The following CASR variants were observed in gnomAD, a reference collection of about 807,000 sequenced individuals.
CASR encodes the protein extracellular calcium-sensing receptor.
CASR carries 23 observed loss-of-function variants against 69.1 expected under a neutral mutation model. The ratio of observed to expected loss-of-function variants is 0.33; its 90% CI spans 0.24 to 0.47. The LOEUF is 0.47. CASR is among the 20% of genes least tolerant of loss of function. The probability of loss-of-function intolerance (pLI) is 1.00; values close to 1 mark genes in which losing one functional copy is unlikely to be tolerated. For synonymous variants in CASR, 541 were observed against 544.7 expected (o/e 0.99, Z 0.10); for missense variants, 924 against 1,356.1 (o/e 0.68, Z 5.00).
intron 1 of CASR, among the ~76,000 whole-genome samples, chr3:122,239,566 G>A (rs886416285): frequency 1.3e-5 from 2 of 152,224 alleles, no homozygotes; most frequent in African/African-American, 4.8e-5. Context: ...CACTGAGGTA[G>A]AACATAGATG....
chr3:122,265,258 T>A (rs1173135358), intron 4 of CASR, among the ~76,000 whole-genome samples: 1 of 152,230 alleles, frequency 6.6e-6, no homozygotes, highest in Non-Finnish European at 1.5e-5. Context: ...TTAGTTAAAA[T>A]TCTGGTTATA....
chr3:122,274,275 G>C (rs1472402104), intron 4 of CASR, among the ~76,000 whole-genome samples: 2 of 152,230 alleles, frequency 1.3e-5, no homozygotes, highest in Non-Finnish European at 2.9e-5. Context: ...CTATGCCTGT[G>C]AGCACACATA....
At chr3:122,273,718 G>A (rs1210512742) in intron 4 of CASR, among the ~76,000 whole-genome samples, 1 of 152,192 alleles carries the variant, frequency 6.6e-6, no homozygotes, top group Non-Finnish European at 1.5e-5. Context: ...GCATGGAGAA[G>A]GATGATGGCC....
intron 3 of CASR, among the ~76,000 whole-genome samples, chr3:122,258,700 A>T (rs1186441954): frequency 6.6e-6 from 1 of 152,204 alleles, no homozygotes; most frequent in Non-Finnish European, 1.5e-5. Flanking sequence ...TTTGAATTAT[A>T]AAAGTGCTTT....
At position 122,283,781 on chromosome 3, in the gene CASR, G is replaced by A. The variant is rs200868156; in HGVS notation, c.1827G>A (p.Thr609=). 4.8e-5 allele frequency: 78 copies of A among 1,614,058 alleles called. No homozygotes were observed. The highest frequency in any genetic ancestry group is 2.3e-4 in the Admixed American group (14 of 60,012). The change falls in exon 7 of 7, where the codon ACG becomes ACA. Residue 609 remains threonine, a synonymous_variant. Coordinates refer to ENST00000639785, the MANE Select transcript of CASR (RefSeq NM_000388.4). ...IAKEIEFLSW[T]EPFGIALTLF... is the part of the protein sequence containing the mutation. ...AGGAGATCGAGTTTCTGTCGTGGACGGAGCCCTTTGGGATCGCACTCACCC... is the reference window on the plus strand; with the variant it reads ...AGGAGATCGAGTTTCTGTCGTGGACAGAGCCCTTTGGGATCGCACTCACCC...
At chr3:122,259,357 C>T (rs2074593409) in intron 3 of CASR, among the ~76,000 whole-genome samples, 1 of 152,016 alleles carries the variant, frequency 6.6e-6, no homozygotes, top group Non-Finnish European at 1.5e-5. Flanking sequence ...TTGTTTGGGT[C>T]TGCTAACAGA....
chr3:122,269,966 C>T lies in CASR; in HGVS notation c.1378-5846C>T, dbSNP rs1429166675. 4.6e-5 allele frequency among the ~76,000 whole-genome samples: 7 copies of T among 152,034 alleles called. No homozygotes were observed. The South Asian group carries it at 8.3e-4, about 18-fold the overall frequency. ...AAGAGATTCTTCTGCCTCAGCCTCC[C>T]GAGTAGCTGGGATTACAGGCATGCA... On this transcript the variant is annotated intron_variant, in intron 4 of 6. Transcript: ENST00000639785.
chr3:122,192,135 A>C (rs1343389433), intron 1 of CASR, among the ~76,000 whole-genome samples: 1 of 152,244 alleles, frequency 6.6e-6, no homozygotes, highest in Non-Finnish European at 1.5e-5. Context: ...TCCAATAATA[A>C]GGGAATGGTT....
intron 1 of CASR, among the ~76,000 whole-genome samples, chr3:122,197,334 C>T (rs2073900561): frequency 6.6e-6 from 1 of 152,168 alleles, no homozygotes; most frequent in Admixed American, 6.5e-5. Context: ...AATGTCCTTT[C>T]CACCTCCCTC....
chr3:122,216,725 GTTA>G (rs1277380828), intron 1 of CASR, among the ~76,000 whole-genome samples: 1 of 152,282 alleles, frequency 6.6e-6, no homozygotes, highest in Non-Finnish European at 1.5e-5. Flanking sequence ...TATTTTGGGT[GTTA>G]TTATTATTAA....
At chr3:122,265,632 C>A (rs1181870310) in intron 4 of CASR, among the ~76,000 whole-genome samples, 1 of 152,222 alleles carries the variant, frequency 6.6e-6, no homozygotes, top group East Asian at 1.9e-4. Flanking sequence ...GAGCCAACAA[C>A]CCATTCTTGA....
chr3:122,184,961 G>T (rs1169408695), intron 1 of CASR, among the ~76,000 whole-genome samples: 1 of 152,170 alleles, frequency 6.6e-6, no homozygotes, highest in Non-Finnish European at 1.5e-5. Flanking sequence ...GGGGCCGTCA[G>T]TGCCCCCACA....
At chr3:122,221,247 A>C (rs145525280) in intron 1 of CASR, among the ~76,000 whole-genome samples, 1 of 152,210 alleles carries the variant, frequency 6.6e-6, no homozygotes, top group African/African-American at 2.4e-5. Context: ...ACTTTGGGAA[A>C]TGCTACTTTA....
chr3:122,220,216 A>G (rs551190985), intron 1 of CASR, among the ~76,000 whole-genome samples: 1 of 152,326 alleles, frequency 6.6e-6, no homozygotes, highest in Non-Finnish European at 1.5e-5. Context: ...GGTGTCAGTT[A>G]CAAAAAACAG....
At chr3:122,279,348 C>T (rs1284646750) in intron 5 of CASR, among the ~76,000 whole-genome samples, 3 of 152,108 alleles carry the variant, frequency 2.0e-5, no homozygotes, top group African/African-American at 4.8e-5. Context: ...AGGAAAGCTA[C>T]TAAATTTATT....
In CASR at chr3:122,257,555, C is replaced by T. The variant is rs182432973; in HGVS notation, c.492+168C>T. 1,064 of 591,238 alleles carry T rather than the reference C, an allele frequency of 1.8e-3. 4 individuals carry two copies. Among genetic ancestry groups the T allele is most frequent in the Admixed American group, 3.6e-3 (120 of 33,268 alleles). The allele number at this position is 591,238 out of a possible 1,614,324, so 36.6% of individuals were successfully genotyped here. ...TGACCATTTGGGATTTCTGAAACTC[C>T]AGTGTCCACAATATCAATGATACCT... is the stretch of plus-strand genomic sequence containing the variant. On this transcript the variant is annotated intron_variant, in intron 3 of 6. Transcript: ENST00000639785.
At chr3:122,207,440 AT>A (rs1245910754) in intron 1 of CASR, among the ~76,000 whole-genome samples, 4 of 152,160 alleles carry the variant, frequency 2.6e-5, no homozygotes, top group African/African-American at 9.7e-5. Flanking sequence ...GTCCAAACAC[AT>A]TTTTTAAAAA....
At chr3:122,214,011 C>T (rs1470874797) in intron 1 of CASR, among the ~76,000 whole-genome samples, 2 of 152,194 alleles carry the variant, frequency 1.3e-5, no homozygotes, top group Non-Finnish European at 2.9e-5. Context: ...GACCCCGTGT[C>T]ATGTCCTCTT....
At chr3:122,275,101 T>G (rs565222961) in intron 4 of CASR, among the ~76,000 whole-genome samples, 1 of 152,338 alleles carries the variant, frequency 6.6e-6, no homozygotes, top group East Asian at 1.9e-4. Context: ...ATAATGGATA[T>G]AAAGTACTTA....
Sources: allele counts gnomAD v4.1 joint callset (sites outside exome capture counted in the v4.1 genomes callset), GRCh38; gene constraint gnomAD v4.1.1; transcripts MANE v1.5; gene names NCBI Gene and HGNC (gene_info 2026-07-23, HGNC 2026-07-21).